KANK2: variants seen among roughly 807,000 people sequenced by gnomAD.
KANK2 encodes KN motif and ankyrin repeat domains 2.
Under a neutral mutation model 74.6 loss-of-function variants are expected in KANK2, and 41 were observed. That is an observed-to-expected ratio of 0.55 (90% CI 0.43 to 0.71). The LOEUF (loss-of-function observed/expected upper bound fraction) is 0.71, where lower values mean the gene tolerates loss of function less well. Among genes scored for constraint, KANK2 ranks in the 30% least tolerant of loss-of-function variants. The probability of loss-of-function intolerance (pLI) is 0.00; values close to 1 mark genes in which losing one functional copy is unlikely to be tolerated. For missense variants in KANK2, 1,148 were observed against 1,196.4 expected (o/e 0.96, Z 0.60); for synonymous variants, 537 against 519.0 (o/e 1.03, Z -0.47).
intron 4 of KANK2, among the ~76,000 whole-genome samples, chr19:11,179,248 G>A (rs184733848): frequency 3.6e-3 from 516 of 142,788 alleles, no homozygotes; most frequent in Middle Eastern, 0.027. Flanking sequence ...CCCGGGAGGC[G>A]GAGGTTGCAG....
At chr19:11,194,648 A>C in intron 2 of KANK2, 58 bp from the exon 3 acceptor site, 2 of 678,816 alleles carry the variant, frequency 2.9e-6, no homozygotes, top group Non-Finnish European at 5.3e-6. Context: ...AGGGGAGGAG[A>C]TGAGGCCAGC....
intron 4 of KANK2, among the ~76,000 whole-genome samples, chr19:11,190,508 T>C (rs1482227714): frequency 1.3e-5 from 2 of 152,158 alleles, no homozygotes; most frequent in Admixed American, 6.6e-5. Context: ...TCCCCAGGTA[T>C]GAACAGGTTG....
intron 8 of KANK2, 80 bp downstream of exon 8, chr19:11,175,820 ACT>A: frequency 1.1e-6 from 1 of 947,242 alleles, no homozygotes; most frequent in Non-Finnish European, 1.7e-6. Context: ...GCAGGAAGTC[ACT>A]GAGGATGAGG....
At chr19:11,167,330 G>C (rs1007981381) in intron 12 of KANK2, among the ~76,000 whole-genome samples, 6 of 152,012 alleles carry the variant, frequency 3.9e-5, no homozygotes, top group Non-Finnish European at 7.4e-5. Flanking sequence ...CTCCCAAAGT[G>C]TTGAGATTAC....
chr19:11,175,628 G>A (rs2078315096), intron 8 of KANK2, among the ~76,000 whole-genome samples: 1 of 151,000 alleles, frequency 6.6e-6, no homozygotes. Context: ...CCCAAAAAGG[G>A]AAATCTGGGT....
rs973534440 is a variant in KANK2 at position 11,195,772 on chromosome 19, TCTCC to T, written c.-234_-231del. 1.3e-5 allele frequency: 2 copies of T among 152,368 alleles called. No individual in the cohort carries two copies. Among genetic ancestry groups the T allele is most frequent in the East Asian group, 1.9e-4 (1 of 5,186 alleles). The allele number at this position is 152,368 out of a possible 1,614,324, so 9.4% of individuals were successfully genotyped here. On this transcript the variant is annotated 5_prime_UTR_variant, in exon 2 of 13. Transcript: ENST00000586659. The stretch of plus-strand genomic sequence containing the variant: ...CCTTCTGCGTCTCTCTCCGTGTCTC[TCTCC>T]CTGTCTTTCCACGTCTCTGTCTTCG...
At chr19:11,179,658 A>C (rs985437088) in intron 4 of KANK2, among the ~76,000 whole-genome samples, 3 of 152,152 alleles carry the variant, frequency 2.0e-5, no homozygotes, top group African/African-American at 7.2e-5. Flanking sequence ...TAAAAAAAAA[A>C]AACACATCCT....
intron 10 of KANK2, among the ~76,000 whole-genome samples, 167 bp downstream of exon 10, chr19:11,172,814 T>A (rs1244020943): frequency 6.6e-6 from 1 of 152,116 alleles, no homozygotes; most frequent in Non-Finnish European, 1.5e-5. Context: ...GACCCTCATA[T>A]CCTCTACTCC....
At chr19:11,185,669 A>C (rs2078654501) in intron 4 of KANK2, among the ~76,000 whole-genome samples, 1 of 150,284 alleles carries the variant, frequency 6.7e-6, no homozygotes, top group Admixed American at 6.7e-5. Flanking sequence ...GGCTACAAGT[A>C]ATTGACTTAC....
chr19:11,167,774 C>T (rs568388364), intron 12 of KANK2, among the ~76,000 whole-genome samples: 2 of 151,988 alleles, frequency 1.3e-5, no homozygotes, highest in South Asian at 2.1e-4. Flanking sequence ...GTGATCTGCC[C>T]GCCATGGCAT....
intron 4 of KANK2, among the ~76,000 whole-genome samples, chr19:11,181,591 G>GC (rs2078520134): frequency 6.6e-6 from 1 of 152,152 alleles, no homozygotes; most frequent in South Asian, 2.1e-4. Context: ...AATGGTGGGT[G>GC]CCAGGGGCTG....
chr19:11,180,247 T>G (rs748338080), intron 4 of KANK2, among the ~76,000 whole-genome samples: 3 of 152,176 alleles, frequency 2.0e-5, no homozygotes, highest in African/African-American at 7.2e-5. Context: ...TTCCCTTTAA[T>G]GGCTAAAAAG....
chr19:11,176,951 T>C, intron 6 of KANK2, 134 bp from the exon 7 acceptor site: 2 of 1,051,278 alleles, frequency 1.9e-6, no homozygotes, highest in Non-Finnish European at 2.6e-6. Context: ...GTATTGACAT[T>C]CCAGGGTTGT....
chr19:11,191,520 G>A (rs547730596), intron 4 of KANK2, among the ~76,000 whole-genome samples: 5 of 152,200 alleles, frequency 3.3e-5, no homozygotes, highest in African/African-American at 1.2e-4. Flanking sequence ...CCCTACCCCC[G>A]GCGTCCATGG....
rs184654720 is a variant in KANK2, at chr19:11,178,695, C to T, written c.1275G>A (p.Ser425=). 1.1e-4 allele frequency: 165 copies of T among 1,535,776 alleles called. 2 individuals are homozygous for T. The East Asian group carries it at 2.6e-3, about 24-fold the overall frequency. ...CCTCGGACCCCGGGGGTGACGAAGA[C>T]GATTCGGCAGGAACTTCTGGGAGGC... ...AAGLPEVPAE[S]SSSPPGSEVA... The change falls in exon 5 of 13, where the codon TCG becomes TCA. Residue 425 remains serine, a synonymous_variant. Coordinates refer to ENST00000586659, the MANE Select transcript of KANK2 (RefSeq NM_001136191.3).
At position 11,173,132 on chromosome 19, in the gene KANK2, C is replaced by T. The variant is rs2078226581; in HGVS notation, c.2069-9G>A. ...GTCCACCTTGCAGACACCTAAGAGA[C>T]ATGGTGTGAACCCTCAGACCAGGGA... On this transcript the variant is annotated splice_polypyrimidine_tract_variant and intron_variant, in intron 9 of 12. Coordinates refer to ENST00000586659, the MANE Select transcript of KANK2 (RefSeq NM_001136191.3). The T allele has an allele frequency of 3.1e-6, 5 of 1,610,190 alleles. No individual in the cohort carries two copies. Among genetic ancestry groups the T allele is most frequent in the Non-Finnish European group, 3.4e-6 (4 of 1,178,042 alleles).
At position 11,173,513 on chromosome 19, in the gene KANK2, TACTA is replaced by T. The variant is rs201309552; in HGVS notation, c.2069-394_2069-391del. ...GTAGGAGAGGGAAGGGCAAGTTTCT[TACTA>T]ACTGAGGACCACGTCTTCTTTCCAA... is the stretch of plus-strand genomic sequence containing the variant. On this transcript the variant is annotated intron_variant, in intron 9 of 12. Coordinates refer to ENST00000586659, the MANE Select transcript of KANK2 (RefSeq NM_001136191.3). Among the ~76,000 whole-genome samples the T allele has an allele frequency of 9.0e-4, 137 of 152,210 alleles. 2 individuals carry two copies. In the South Asian group the frequency reaches 0.015, roughly 16 times the overall value.
intron 4 of KANK2, among the ~76,000 whole-genome samples, chr19:11,188,720 A>C (rs1442661914): frequency 6.6e-6 from 1 of 151,160 alleles, no homozygotes; most frequent in African/African-American, 2.4e-5. Flanking sequence ...GCCGTGGCTC[A>C]TGCCTGTAAT....
chr19:11,167,080 T>C (rs1340234871), intron 12 of KANK2, among the ~76,000 whole-genome samples: 2 of 152,178 alleles, frequency 1.3e-5, no homozygotes, highest in Non-Finnish European at 2.9e-5. Flanking sequence ...TTTTCTTTTT[T>C]TTGAGACAGA....
Sources: allele counts gnomAD v4.1 joint callset (sites outside exome capture counted in the v4.1 genomes callset), GRCh38; gene constraint gnomAD v4.1.1; transcripts MANE v1.5; gene names NCBI Gene and HGNC (gene_info 2026-07-23, HGNC 2026-07-21).